The following ZEB2 variants were observed in gnomAD, a reference collection of about 807,000 sequenced individuals.
ZEB2 encodes zinc finger E-box-binding homeobox 2.
Under a neutral mutation model 99.9 loss-of-function variants are expected in ZEB2, and 6 were observed. That is an observed-to-expected ratio of 0.06 (90% confidence interval 0.03 to 0.12). The LOEUF is 0.12. ZEB2 is among the 10% of genes least tolerant of loss of function. ZEB2 has a pLI of 1.00. For missense variants in ZEB2, 969 were observed against 1,502.8 expected, an observed-to-expected ratio of 0.64 and a Z score of 5.87; for synonymous variants, 517 against 542.5, an observed-to-expected ratio of 0.95 and a Z score of 0.65.
intron 2 of ZEB2, chr2:144,462,870 C>T (rs1169814977): frequency 2.0e-5 from 3 of 152,144 alleles, no homozygotes; most frequent in Admixed American, 1.3e-4. Context: ...AACTGTCAGG[C>T]CCCATTAGTT....
At chr2:144,479,256 C>T (rs1334356321) in intron 2 of ZEB2, among the ~76,000 whole-genome samples, 1 of 152,184 alleles carries the variant, frequency 6.6e-6, no homozygotes, top group African/African-American at 2.4e-5. Flanking sequence ...TGAGAAACCA[C>T]AATTCAAGAA....
chr2:144,487,059 A>G (rs934482649), intron 2 of ZEB2, among the ~76,000 whole-genome samples: 1 of 152,242 alleles, frequency 6.6e-6, no homozygotes, highest in Non-Finnish European at 1.5e-5. Context: ...AGTTTAAACT[A>G]GAAAATGATT....
At chr2:144,518,744 A>G (rs1201727817) in intron 1 of ZEB2, 1 of 152,306 alleles carries the variant, frequency 6.6e-6, no homozygotes, top group East Asian at 1.9e-4. Context: ...TTGATTTGAA[A>G]TTGTTAGGGG....
chr2:144,504,089 AAAAAACAACAAAAAAAAC>A (rs1330673333), intron 2 of ZEB2: 1 of 22,534 alleles, frequency 4.4e-5, no homozygotes, highest in Non-Finnish European at 2.1e-4. Context: ...GAAAAAAAAA[AAAAAACAACAAAAAAAAC>A]AAACCACCTT....
rs201498865 is a variant in ZEB2 at position 144,517,361 on chromosome 2, G to A, written c.-11C>T. On this transcript the variant is annotated 5_prime_UTR_variant, in exon 2 of 10. Coordinates refer to ENST00000627532, the MANE Select transcript of ZEB2 (RefSeq NM_014795.4). ...GATCGGCTGCTTCATTGATAAGAGC[G>A]GATCAGATGGCAGTTCGCATGGACT... 2 of 1,613,518 alleles carry A rather than the reference G, an allele frequency of 1.2e-6. No individual in the cohort carries two copies. Among genetic ancestry groups the A allele is most frequent in the Non-Finnish European group, 1.7e-6 (2 of 1,179,856 alleles).
rs1703102452 is a variant in ZEB2, at chr2:144,387,597, A to T, written c.*1854T>A. On this transcript the variant is annotated 3_prime_UTR_variant, in exon 10 of 10. Coordinates refer to ENST00000627532, the MANE Select transcript of ZEB2 (RefSeq NM_014795.4). ...GTGAGATAAACTATCCCAATCCTTT[A>T]AAAAAGGTTACATATTATAAATAAC... The T allele has an allele frequency of 6.6e-6, 1 of 152,214 alleles. No homozygotes were observed. Among genetic ancestry groups the T allele is most frequent in the Admixed American group, 6.5e-5 (1 of 15,280 alleles). 9.4% of individuals were successfully genotyped at this position (152,214 alleles called of 1,614,324 possible).
Position 144,502,077 on chromosome 2 carries a change from G to T in ZEB2, c.73+15201C>A, listed in dbSNP as rs565679561. Reference sequence around the variant, plus strand: ...ATCTCAGTCACTGCTAAGAAAGCACGCTTAGGGCAGGTAGAAATGTGGATG... The same window carrying T: ...ATCTCAGTCACTGCTAAGAAAGCACTCTTAGGGCAGGTAGAAATGTGGATG... On this transcript the variant is annotated intron_variant, in intron 2 of 9. Coordinates refer to ENST00000627532, the MANE Select transcript of ZEB2 (RefSeq NM_014795.4). Among the ~76,000 whole-genome samples, 8 of 152,256 alleles carry T rather than the reference G, an allele frequency of 5.3e-5. No homozygotes were observed. In the East Asian group the frequency reaches 1.5e-3, roughly 29 times the overall value.
intron 4 of ZEB2, among the ~76,000 whole-genome samples, chr2:144,414,484 C>T (rs772437178): frequency 6.6e-6 from 1 of 152,102 alleles, no homozygotes; most frequent in Non-Finnish European, 1.5e-5. Context: ...GCAGGGCCCC[C>T]GAGAGCCTCC....
chr2:144,512,997 A>G (rs1705066723), intron 2 of ZEB2: 1 of 1,287,150 alleles, frequency 7.8e-7, no homozygotes, highest in African/African-American at 1.5e-5. Flanking sequence ...CTTTGCAAAG[A>G]TAACCAAGTC....
Position 144,388,992 on chromosome 2 carries a change from T to C in ZEB2, c.*459A>G. Reference sequence around the variant, plus strand: ...AAAGGAAAGTACAGAGGAATCATAATACTGATGCATTGTAGTGCGAGCACA... The same window carrying C: ...AAAGGAAAGTACAGAGGAATCATAACACTGATGCATTGTAGTGCGAGCACA... On this transcript the variant is annotated 3_prime_UTR_variant, in exon 10 of 10. Transcript: ENST00000627532. The surrounding 1 kb of genome is among the most constrained non-coding windows in gnomAD (Gnocchi z 5.4). 2 of 431,102 alleles carry C rather than the reference T, an allele frequency of 4.6e-6. No individual in the cohort carries two copies. Among genetic ancestry groups the C allele is most frequent in the Non-Finnish European group, 8.8e-6 (2 of 227,178 alleles). 26.7% of individuals were successfully genotyped at this position (431,102 alleles called of 1,614,324 possible). A position where few individuals can be genotyped will look rare whatever the true frequency, so the allele number is the denominator to read the frequency against.
intron 3 of ZEB2, chr2:144,427,275 G>GA (rs1703702743): frequency 6.6e-6 from 1 of 152,198 alleles, no homozygotes; most frequent in Non-Finnish European, 1.5e-5. Flanking sequence ...ATTGTGGGAC[G>GA]AAAGAATGTC....
intron 2 of ZEB2, among the ~76,000 whole-genome samples, chr2:144,475,913 AAAAT>A (rs1190826744): frequency 1.3e-5 from 2 of 152,220 alleles, no homozygotes; most frequent in Admixed American, 6.5e-5. Flanking sequence ...CAAACCAAAT[AAAAT>A]AAATAGACAC....
chr2:144,453,615 T>C (rs1704082406), intron 2 of ZEB2, among the ~76,000 whole-genome samples: 1 of 152,176 alleles, frequency 6.6e-6, no homozygotes, highest in Non-Finnish European at 1.5e-5. Flanking sequence ...AATCATTCTA[T>C]TAGTATGTCT....
At chr2:144,392,745 A>G (rs147935487) in intron 9 of ZEB2, among the ~76,000 whole-genome samples, 148 of 152,324 alleles carry the variant, frequency 9.7e-4, no homozygotes, top group Non-Finnish European at 1.8e-3. Context: ...GATTCAAATC[A>G]AGATGTCCTA....
rs747629004 is a variant in ZEB2, at chr2:144,405,005, T to C, written c.423A>G (p.Thr141=). The C allele has an allele frequency of 4.3e-6, 7 of 1,614,078 alleles. No homozygotes were observed. The highest frequency in any genetic ancestry group is 1.1e-5 in the South Asian group (1 of 91,090). ...NNGTVKNANC[T]SDFEEYFAKR... is the part of the protein sequence containing the mutation. Reference sequence around the variant, plus strand: ...TGGCAAAGTATTCCTCAAAATCTGATGTGCAATTTGCATTCTTCACTGAAA... The same window carrying C: ...TGGCAAAGTATTCCTCAAAATCTGACGTGCAATTTGCATTCTTCACTGAAA... Residue 141 remains threonine, a synonymous_variant, in exon 5 of 10, where the codon ACA becomes ACG. Transcript: ENST00000627532.
rs117012284 is a variant in ZEB2 at position 144,427,994 on chromosome 2, C to T, written c.331+1775G>A. 6 of 152,304 alleles carry T rather than the reference C, an allele frequency of 3.9e-5. No individual in the cohort carries two copies. In the East Asian group the frequency reaches 1.2e-3, roughly 29 times the overall value. 9.4% of individuals were successfully genotyped at this position (152,304 alleles called of 1,614,324 possible). A position where few individuals can be genotyped will look rare whatever the true frequency, so the allele number is the denominator to read the frequency against. ...AAGCTGCCACAATCACAAACTACTACAGCTTGACATTGCTGTTTGGCTGTT... is the reference window on the plus strand; with the variant it reads ...AAGCTGCCACAATCACAAACTACTATAGCTTGACATTGCTGTTTGGCTGTT... On this transcript the variant is annotated intron_variant, in intron 3 of 9. Coordinates refer to ENST00000627532, the MANE Select transcript of ZEB2 (RefSeq NM_014795.4).
intron 4 of ZEB2, among the ~76,000 whole-genome samples, chr2:144,419,452 G>A (rs1251122473): frequency 1.3e-5 from 2 of 152,152 alleles, no homozygotes; most frequent in Non-Finnish European, 2.9e-5. Context: ...TAGATTGTCT[G>A]AGTAAATATA....
chr2:144,491,229 G>GGTTTA (rs1206195637), intron 2 of ZEB2, among the ~76,000 whole-genome samples: 1 of 152,172 alleles, frequency 6.6e-6, no homozygotes, highest in East Asian at 1.9e-4. Context: ...CTTTGCCTTG[G>GGTTTA]GTTTACTTCA....
At chr2:144,435,106 G>C (rs1703819296) in intron 2 of ZEB2, among the ~76,000 whole-genome samples, 1 of 152,110 alleles carries the variant, frequency 6.6e-6, no homozygotes, top group African/African-American at 2.4e-5. Context: ...GCAATGTGTG[G>C]TGGCTACGAG....
Sources: allele counts gnomAD v4.1 joint callset (sites outside exome capture counted in the v4.1 genomes callset), GRCh38; gene constraint gnomAD v4.1.1; non-coding constraint Gnocchi (gnomAD v3.1); transcripts MANE v1.5; gene names NCBI Gene and HGNC (gene_info 2026-07-23, HGNC 2026-07-21).